Variants in PPP1R13B observed in about 807,000 individuals in gnomAD.
PPP1R13B encodes the protein protein phosphatase 1 regulatory subunit 13B, also known as apoptosis-stimulating of p53 protein 1.
PPP1R13B carries 44 observed loss-of-function variants against 119.8 expected under a neutral mutation model. The observed-to-expected ratio is 0.37, with a 90% CI of 0.29 to 0.47. The LOEUF (loss-of-function observed/expected upper bound fraction) is 0.47, where lower values mean the gene tolerates loss of function less well. Ranked by LOEUF, PPP1R13B falls within the 20% of genes least tolerant of loss-of-function variation. PPP1R13B has a pLI of 0.99. For missense variants in PPP1R13B, 1,227 were observed against 1,413.5 expected (o/e 0.87, Z 2.12); for synonymous variants, 542 against 561.5 (o/e 0.97, Z 0.49).
intron 1 of PPP1R13B, among the ~76,000 whole-genome samples, chr14:103,805,328 T>G (rs999567596): frequency 6.6e-6 from 1 of 152,072 alleles, no homozygotes; most frequent in Non-Finnish European, 1.5e-5. Context: ...CCTAGAACTT[T>G]GGGAGGCCAA....
intron 1 of PPP1R13B, among the ~76,000 whole-genome samples, chr14:103,823,680 A>AAC (rs2086466041): frequency 6.6e-6 from 1 of 152,192 alleles, no homozygotes; most frequent in African/African-American, 2.4e-5. Flanking sequence ...TGCCACCTCC[A>AAC]ACAATAACAG....
At chr14:103,844,277 A>G (rs1292525289) in intron 1 of PPP1R13B, among the ~76,000 whole-genome samples, 2 of 151,826 alleles carry the variant, frequency 1.3e-5, no homozygotes, top group Non-Finnish European at 2.9e-5. Flanking sequence ...CGAAAAATAA[A>G]AAAAAAAAGA....
At chr14:103,805,290 G>T (rs1567137431) in intron 1 of PPP1R13B, among the ~76,000 whole-genome samples, 2 of 152,122 alleles carry the variant, frequency 1.3e-5, no homozygotes, top group Admixed American at 6.6e-5. Flanking sequence ...AAGAAACAAG[G>T]CCAGGAACGG....
chr14:103,830,326 C>T (rs1451662224), intron 1 of PPP1R13B, among the ~76,000 whole-genome samples: 1 of 151,628 alleles, frequency 6.6e-6, no homozygotes, highest in Non-Finnish European at 1.5e-5. Flanking sequence ...AAACTCCTGA[C>T]CTCAGGTGAC....
chr14:103,761,653 C>T (rs2084808304), intron 4 of PPP1R13B, among the ~76,000 whole-genome samples: 1 of 151,782 alleles, frequency 6.6e-6, no homozygotes, highest in Admixed American at 6.6e-5. Flanking sequence ...ATCCCAGCTA[C>T]TCGGGAGGCT....
chr14:103,824,189 G>A (rs1279765255), intron 1 of PPP1R13B, among the ~76,000 whole-genome samples: 1 of 150,584 alleles, frequency 6.6e-6, no homozygotes. Context: ...GGGACTACAG[G>A]TGCGTGCAAC....
intron 1 of PPP1R13B, chr14:103,846,656 T>C (rs2087043726): frequency 1.4e-5 from 6 of 442,572 alleles, no homozygotes; most frequent in South Asian, 8.0e-5. Context: ...GCAAATCTAA[T>C]GGCCAATGTC....
At chr14:103,772,665 GTTTC>G (rs897320201) in intron 4 of PPP1R13B, among the ~76,000 whole-genome samples, 2 of 146,880 alleles carry the variant, frequency 1.4e-5, no homozygotes, top group South Asian at 2.1e-4. Flanking sequence ...TCTTTCACCT[GTTTC>G]TTTTTCTTTT....
At chr14:103,797,624 T>C (rs1295494959) in intron 1 of PPP1R13B, 106 bp from the exon 2 acceptor site, 1 of 476,214 alleles carries the variant, frequency 2.1e-6, no homozygotes, top group Non-Finnish European at 3.5e-6. Flanking sequence ...CCAAAATGCC[T>C]ACAGAATTAT....
chr14:103,782,452 A>G (rs2085359488), intron 3 of PPP1R13B, among the ~76,000 whole-genome samples: 1 of 152,220 alleles, frequency 6.6e-6, no homozygotes, highest in Non-Finnish European at 1.5e-5. Flanking sequence ...TTTATATATC[A>G]TTTTGTATGT....
chr14:103,809,907 A>T (rs2086108095), intron 1 of PPP1R13B, among the ~76,000 whole-genome samples: 1 of 150,994 alleles, frequency 6.6e-6, no homozygotes, highest in Non-Finnish European at 1.5e-5. Flanking sequence ...GCTCACTGCA[A>T]CCTCTGCCTC....
chr14:103,794,220 G>A (rs1436185942), intron 2 of PPP1R13B, among the ~76,000 whole-genome samples: 1 of 152,118 alleles, frequency 6.6e-6, no homozygotes, highest in Non-Finnish European at 1.5e-5. Context: ...CAGATCCACA[G>A]TGAAACGGCT....
At chr14:103,772,863 C>T (rs1199867154) in intron 4 of PPP1R13B, among the ~76,000 whole-genome samples, 3 of 152,036 alleles carry the variant, frequency 2.0e-5, no homozygotes, top group Non-Finnish European at 4.4e-5. Flanking sequence ...GACAGGGTTT[C>T]GCCATGTTGG....
Position 103,742,724 on chromosome 14 carries a change from C to G in PPP1R13B, c.1250G>C (p.Gly417Ala), listed in dbSNP as rs745963945. 1.9e-6 allele frequency: 3 copies of G among 1,614,094 alleles called. No homozygotes were observed. The South Asian group carries it at 3.3e-5, about 18-fold the overall frequency. Residue 417 changes from glycine to alanine, a missense_variant, in exon 10 of 17, where the codon GGG becomes GCG. Gly to Ala is a moderately conservative substitution (Grantham distance 60). Transcript: ENST00000202556. This position sits in a 1 kb window ranked among gnomAD's most constrained non-coding sequence, Gnocchi z 4.9. ...GGAGACAGTGCCCTGCTTGACAGAC[C>G]CCTCCACGCTCGGATCCTTCCAGTC... Reference protein sequence around the residue: ...GADWKDPSVEGSVKQGTVSSQ... With the variant: ...GADWKDPSVEASVKQGTVSSQ...
chr14:103,772,731 G>A (rs2085101174), intron 4 of PPP1R13B, among the ~76,000 whole-genome samples: 1 of 150,372 alleles, frequency 6.7e-6, no homozygotes, highest in Admixed American at 6.6e-5. Context: ...AGAGTGCAGT[G>A]GCGCGATCTC....
At chr14:103,751,016 T>C (rs1354264223) in intron 7 of PPP1R13B, among the ~76,000 whole-genome samples, 2 of 151,866 alleles carry the variant, frequency 1.3e-5, no homozygotes, top group Non-Finnish European at 2.9e-5. Context: ...TAGCCAGGTA[T>C]GGTGGCGGGT....
At chr14:103,846,867 G>A in intron 1 of PPP1R13B, 1 of 556,002 alleles carries the variant, frequency 1.8e-6, no homozygotes, top group South Asian at 1.5e-5. Context: ...CGAAGGCTAC[G>A]GGAATGCGCC....
intron 3 of PPP1R13B, among the ~76,000 whole-genome samples, chr14:103,782,908 G>A (rs543405258): frequency 6.6e-6 from 1 of 151,414 alleles, no homozygotes; most frequent in Admixed American, 6.6e-5. Flanking sequence ...AGGTTCAAGC[G>A]ATTCTCCTGT....
intron 1 of PPP1R13B, among the ~76,000 whole-genome samples, chr14:103,837,488 C>T (rs1595845197): frequency 6.6e-6 from 1 of 152,212 alleles, no homozygotes; most frequent in East Asian, 1.9e-4. Flanking sequence ...CTGTTATCCT[C>T]AATTCCAGCT....
Sources: allele counts gnomAD v4.1 joint callset (sites outside exome capture counted in the v4.1 genomes callset), GRCh38; gene constraint gnomAD v4.1.1; non-coding constraint Gnocchi (gnomAD v3.1); transcripts MANE v1.5; gene names NCBI Gene and HGNC (gene_info 2026-07-23, HGNC 2026-07-21).